Variants in SFMBT2 observed in about 807,000 individuals in gnomAD.
SFMBT2 encodes the protein Scm like with four mbt domains 2.
A neutral mutation model predicts 110.1 loss-of-function variants in SFMBT2; 38 were observed. The observed-to-expected ratio is 0.35, with a 90% CI of 0.27 to 0.45. The LOEUF (loss-of-function observed/expected upper bound fraction) is 0.45, where lower values mean the gene tolerates loss of function less well. Ranked by LOEUF, SFMBT2 falls within the 20% of genes least tolerant of loss-of-function variation. The probability of loss-of-function intolerance (pLI) is 1.00; values close to 1 mark genes in which losing one functional copy is unlikely to be tolerated. For synonymous variants in SFMBT2, 425 were observed against 425.4 expected (o/e 1.00, Z 0.01); for missense variants, 1,011 against 1,094.9 (o/e 0.92, Z 1.08).
intron 4 of SFMBT2, among the ~76,000 whole-genome samples, chr10:7,340,936 T>C (rs1294013882): frequency 6.6e-5 from 10 of 151,262 alleles, no homozygotes; most frequent in Admixed American, 6.6e-4. Context: ...GATTTAACAA[T>C]CACTCCAGCT....
chr10:7,220,889 T>A (rs1382860937), intron 10 of SFMBT2, among the ~76,000 whole-genome samples: 1 of 150,928 alleles, frequency 6.6e-6, no homozygotes, highest in Non-Finnish European at 1.5e-5. Context: ...TGCAGTGGCG[T>A]GATCTCGGCT....
At chr10:7,222,247 T>C (rs1416496439) in intron 10 of SFMBT2, among the ~76,000 whole-genome samples, 1 of 152,258 alleles carries the variant, frequency 6.6e-6, no homozygotes, top group East Asian at 1.9e-4. Flanking sequence ...CACTTACCAG[T>C]TAAAGGACAT....
intron 4 of SFMBT2, among the ~76,000 whole-genome samples, chr10:7,297,813 GCA>G (rs1424826542): frequency 6.6e-6 from 1 of 152,208 alleles, no homozygotes; most frequent in African/African-American, 2.4e-5. Flanking sequence ...CACACATTCA[GCA>G]CACGCAAGAG....
At position 7,226,949 on chromosome 10, in the gene SFMBT2, CTGA is replaced by C. The variant is rs1839915418; in HGVS notation, c.1203+903_1203+905del. 3.3e-5 allele frequency among the ~76,000 whole-genome samples: 5 copies of C among 152,254 alleles called. No homozygotes were observed. The South Asian group carries it at 1.0e-3, about 32-fold the overall frequency. On this transcript the variant is annotated intron_variant, in intron 10 of 20. Coordinates refer to ENST00000397167, the MANE Select transcript of SFMBT2 (RefSeq NM_001387889.1). ...GACATTCACACAACAATGAAGCGGC[CTGA>C]TGATGCATTTCTCAGAACATAACCC...
At chr10:7,392,306 G>A (rs535222604) in intron 1 of SFMBT2, among the ~76,000 whole-genome samples, 1 of 152,316 alleles carries the variant, frequency 6.6e-6, no homozygotes, top group East Asian at 1.9e-4. Flanking sequence ...CTTGAGCTCA[G>A]GAGTTCAAGA....
At chr10:7,206,369 C>T in intron 11 of SFMBT2, 1 of 985,406 alleles carries the variant, frequency 1.0e-6, no homozygotes, top group East Asian at 1.1e-4. Context: ...ATGATATGCT[C>T]CACCTAACAC....
At position 7,385,135 on chromosome 10, in the gene SFMBT2, T is replaced by A. The variant is rs184173506; in HGVS notation, c.-51-3186A>T. On this transcript the variant is annotated intron_variant, in intron 1 of 20. Transcript: ENST00000397167. ...AACAAACTACTTGTTGATAAGCAAG[T>A]GTGTCCATCCAACCAAATACCCAAG... is the stretch of plus-strand genomic sequence containing the variant. Among the ~76,000 whole-genome samples, 108 of 152,294 alleles carry A rather than the reference T, an allele frequency of 7.1e-4. 1 individual carries two copies. In the East Asian group the frequency reaches 0.018, roughly 25 times the overall value.
intron 8 of SFMBT2, among the ~76,000 whole-genome samples, chr10:7,248,140 G>A (rs544019256): frequency 4.1e-5 from 6 of 146,392 alleles, no homozygotes; most frequent in African/African-American, 1.5e-4. Context: ...GGGCAGATGA[G>A]AAAAAACACA....
chr10:7,188,558 C>G, intron 16 of SFMBT2, 66 bp downstream of exon 16: 1 of 1,269,542 alleles, frequency 7.9e-7, no homozygotes, highest in Non-Finnish European at 1.1e-6. Flanking sequence ...AGAGAAGTGG[C>G]AAGGTTCAAA....
rs979006830 is a variant in SFMBT2, at chr10:7,170,844, C to G, written c.2544+84G>C. 1.3e-5 allele frequency: 21 copies of G among 1,562,664 alleles called. No homozygotes were observed. The South Asian group carries it at 2.2e-4, about 16-fold the overall frequency. On this transcript the variant is annotated intron_variant, in intron 20 of 20. Transcript: ENST00000397167. This position sits in a 1 kb window ranked among gnomAD's most constrained non-coding sequence, Gnocchi z 4.6. ...CCGAAGAACCCCCTCGCAGGTGTCA[C>G]GAGGAAGCCGGCTAGGACACGAGGT...
At chr10:7,368,144 A>G (rs1366726776) in intron 3 of SFMBT2, 1 of 291,230 alleles carries the variant, frequency 3.4e-6, no homozygotes, top group East Asian at 1.7e-4. Context: ...ATATATCCAA[A>G]ACATTATCAC....
intron 7 of SFMBT2, among the ~76,000 whole-genome samples, chr10:7,266,708 CCAGGAAACAAGCTCTGGCGTGATGGGA>C (rs1841405368): frequency 6.6e-6 from 1 of 152,160 alleles, no homozygotes; most frequent in African/African-American, 2.4e-5. Context: ...TGACTAGAAG[CCAGGAAACAAGCTCTGGCGTGATGGGA>C]CAGTCCATGG....
At chr10:7,322,144 G>A (rs1843210637) in intron 4 of SFMBT2, among the ~76,000 whole-genome samples, 1 of 152,158 alleles carries the variant, frequency 6.6e-6, no homozygotes, top group Non-Finnish European at 1.5e-5. Flanking sequence ...ATTGAATCAT[G>A]GGGGTGGGTT....
intron 7 of SFMBT2, chr10:7,249,609 A>G (rs912648531): frequency 4.2e-6 from 4 of 959,612 alleles, no homozygotes; most frequent in Non-Finnish European, 5.0e-6. Context: ...GCAAATCTAA[A>G]GTGGGTTTTT....
intron 1 of SFMBT2, among the ~76,000 whole-genome samples, chr10:7,402,184 C>T (rs375194262): frequency 4.6e-5 from 7 of 150,642 alleles, no homozygotes; most frequent in African/African-American, 1.7e-4. Context: ...ATAAAAATGA[C>T]TCCAGATACA....
chr10:7,381,167 T>G (rs1336585834), intron 2 of SFMBT2, among the ~76,000 whole-genome samples: 2 of 152,150 alleles, frequency 1.3e-5, no homozygotes, highest in African/African-American at 4.8e-5. Flanking sequence ...GTTCTGTTTT[T>G]CAGATTTCTG....
chr10:7,248,547 C>T lies in SFMBT2; in HGVS notation c.972+1G>A. 1.2e-6 allele frequency: 2 copies of T among 1,613,908 alleles called. No individual in the cohort carries two copies. Among genetic ancestry groups the T allele is most frequent in the South Asian group, 1.1e-5 (1 of 91,072 alleles). On this transcript the variant is annotated splice_donor_variant, in intron 8 of 20. Transcript: ENST00000397167. LOFTEE classifies it high-confidence loss of function. ...TCGAAGAGCGAGGGAGGAAAACCCA[C>T]CTTAGTCACCGACGCAGGAGAGATG...
At position 7,200,425 on chromosome 10, in the gene SFMBT2, A is replaced by G; in HGVS notation, c.1547T>C (p.Leu516Pro). The G allele has an allele frequency of 6.3e-7, 1 of 1,599,648 alleles. No homozygotes were observed. The highest frequency in any genetic ancestry group is 8.5e-7 in the Non-Finnish European group (1 of 1,172,582). ...ATGGGACTGATTACCTGTGGTGTCC[A>G]GGTGAGGGAATAAACAAAGGTCATG... is the stretch of plus-strand genomic sequence containing the variant. The part of the protein sequence containing the change: ...IPHDLCLFPH[L>P]DTTGTVNGKY... The change falls in exon 14 of 21, where the codon CTG becomes CCG. Residue 516 changes from leucine (L) to proline (P), a missense_variant. Physicochemically the swap from Leu to Pro is moderately conservative, Grantham distance 98 (BLOSUM62 -3). Around this residue, in one of 2 missense-constraint regions of SFMBT2, gnomAD observed 979 missense variants for 1,016.1 expected, o/e 0.96. Coordinates refer to ENST00000397167, the MANE Select transcript of SFMBT2 (RefSeq NM_001387889.1).
chr10:7,179,231 G>C (rs1308358952), intron 16 of SFMBT2, among the ~76,000 whole-genome samples: 1 of 151,898 alleles, frequency 6.6e-6, no homozygotes, highest in Non-Finnish European at 1.5e-5. Context: ...ATCTTCTGTA[G>C]ATAAGATCAT....
Sources: gnomAD v4.1 joint callset for allele counts (sites outside exome capture counted in the v4.1 genomes callset) on GRCh38, gnomAD v4.1.1 for gene constraint, gnomAD v4.1.1 regional missense constraint, Gnocchi (gnomAD v3.1) non-coding constraint, MANE v1.5 for transcripts, NCBI Gene and HGNC (gene_info 2026-07-23, HGNC 2026-07-21) for gene names.